The following ZCWPW2 variants were observed in gnomAD, a reference collection of about 807,000 sequenced individuals.
ZCWPW2 encodes the protein zinc finger CW-type PWWP domain protein 2.
A neutral mutation model predicts 46.6 loss-of-function variants in ZCWPW2; 45 were observed. That is an observed-to-expected ratio of 0.96 (90% CI 0.76 to 1.24). ZCWPW2 has a LOEUF of 1.24. Among genes scored for constraint, ZCWPW2 ranks in the 50% most tolerant of loss-of-function variants. The pLI is 0.00. For missense variants in ZCWPW2, 429 were observed against 403.9 expected, an observed-to-expected ratio of 1.06 and a Z score of -0.53; for synonymous variants, 152 against 137.1, an observed-to-expected ratio of 1.11 and a Z score of -0.76.
At chr3:28,492,505 C>A (rs866630656) in intron 6 of ZCWPW2, among the ~76,000 whole-genome samples, 1 of 151,924 alleles carries the variant, frequency 6.6e-6, no homozygotes, top group East Asian at 1.9e-4. Context: ...AATGTGTATA[C>A]ACAATCTCAT....
chr3:28,376,825 T>A (rs539896551), intron 1 of ZCWPW2, among the ~76,000 whole-genome samples: 1 of 152,268 alleles, frequency 6.6e-6, no homozygotes, highest in East Asian at 1.9e-4. Flanking sequence ...TTTTCTCTTT[T>A]ATGTCTTAAG....
intron 5 of ZCWPW2, among the ~76,000 whole-genome samples, chr3:28,486,919 A>G (rs879528432): frequency 2.2e-4 from 32 of 143,606 alleles, no homozygotes; most frequent in Admixed American, 2.1e-3. Context: ...TGGCTGTGTT[A>G]TTTTGTCAAC....
At chr3:28,379,356 G>A (rs1457605095) in intron 1 of ZCWPW2, among the ~76,000 whole-genome samples, 1 of 152,122 alleles carries the variant, frequency 6.6e-6, no homozygotes, top group African/African-American at 2.4e-5. Context: ...AGAGGAAAAA[G>A]AGAAATAATA....
intron 4 of ZCWPW2, among the ~76,000 whole-genome samples, chr3:28,446,397 C>T (rs1697992422): frequency 6.6e-6 from 1 of 151,406 alleles, no homozygotes; most frequent in African/African-American, 2.4e-5. Context: ...AATTGAACAC[C>T]CCAAGACAAC....
At chr3:28,409,073 AAC>A (rs1226086399) in intron 2 of ZCWPW2, among the ~76,000 whole-genome samples, 1 of 151,930 alleles carries the variant, frequency 6.6e-6, no homozygotes, top group African/African-American at 2.4e-5. Context: ...TTCATTCACA[AAC>A]ACAGAAAATA....
chr3:28,389,820 C>T (rs866927426), intron 1 of ZCWPW2, among the ~76,000 whole-genome samples: 3 of 152,156 alleles, frequency 2.0e-5, no homozygotes, highest in African/African-American at 4.8e-5. Context: ...GGAAGAGTTG[C>T]AGTTTGAGTC....
chr3:28,477,168 C>G (rs1476645536), intron 4 of ZCWPW2, among the ~76,000 whole-genome samples: 2 of 152,106 alleles, frequency 1.3e-5, no homozygotes, highest in Non-Finnish European at 2.9e-5. Flanking sequence ...GCAGAAATGT[C>G]TAAAATCTGT....
intron 1 of ZCWPW2, among the ~76,000 whole-genome samples, chr3:28,366,065 G>A (rs908780633): frequency 2.6e-5 from 4 of 151,908 alleles, no homozygotes; most frequent in Non-Finnish European, 4.4e-5. Flanking sequence ...GGGTTTTCTA[G>A]ATATACAATC....
rs56675887 is a variant in ZCWPW2 at position 28,357,333 on chromosome 3, A to G, written c.-134+8130A>G. Among the ~76,000 whole-genome samples, 1,042 of 152,322 alleles carry G rather than the reference A, an allele frequency of 6.8e-3. 11 individuals carry two copies. The highest frequency in any genetic ancestry group is 0.023 in the African/African-American group (946 of 41,584). The stretch of plus-strand genomic sequence containing the variant: ...CGTCCAAACTCACAACTCACAAAAT[A>G]CAGAAGTGAAATTTTTGATTTGGTG... On this transcript the variant is annotated intron_variant, in intron 1 of 9. Coordinates refer to ENST00000383768, the MANE Select transcript of ZCWPW2 (RefSeq NM_001040432.4).
chr3:28,519,926 T>C (rs2125838295), intron 8 of ZCWPW2, among the ~76,000 whole-genome samples: 1 of 152,232 alleles, frequency 6.6e-6, no homozygotes, highest in African/African-American at 2.4e-5. Context: ...TCTAGAGTTA[T>C]AGTAGGCTTT....
chr3:28,463,947 A>AAAGGG (rs1698731062), intron 4 of ZCWPW2, among the ~76,000 whole-genome samples: 1 of 151,738 alleles, frequency 6.6e-6, no homozygotes, highest in South Asian at 2.1e-4. Context: ...AAAGAGAAGT[A>AAAGGG]AAGGGAAGGG....
Position 28,413,388 on chromosome 3 carries a change from A to C in ZCWPW2, c.320A>C (p.Gln107Pro). The change falls in exon 3 of 10, where the codon CAG (glutamine) becomes CCG (proline). Residue 107 changes from glutamine (Q) to proline (P), a missense_variant. Physicochemically the swap from Gln to Pro is moderately conservative, Grantham distance 76. Transcript: ENST00000383768. The part of the protein sequence containing the change: ...PLGSLVLVKL[Q>P]NWPSWPGILC... ...GGAAGCCTGGTTTTGGTAAAATTACAGAATTGGCCAAGGTAAGGTTTGTGT... is the reference window on the plus strand; with the variant it reads ...GGAAGCCTGGTTTTGGTAAAATTACCGAATTGGCCAAGGTAAGGTTTGTGT... 6.2e-7 allele frequency: 1 copy of C among 1,607,546 alleles called. No homozygotes were observed. The highest frequency in any genetic ancestry group is 2.2e-5 in the East Asian group (1 of 44,706).
intron 1 of ZCWPW2, among the ~76,000 whole-genome samples, chr3:28,356,590 A>G (rs924408548): frequency 1.7e-4 from 26 of 152,366 alleles, no homozygotes; most frequent in African/African-American, 6.0e-4. Context: ...GATAGCAAAG[A>G]CTTGGAACTA....
chr3:28,461,942 C>T (rs1698653452), intron 4 of ZCWPW2, among the ~76,000 whole-genome samples: 2 of 152,176 alleles, frequency 1.3e-5, no homozygotes, highest in African/African-American at 4.8e-5. Context: ...GGACATTCTT[C>T]CCTACAATTA....
intron 6 of ZCWPW2, among the ~76,000 whole-genome samples, chr3:28,504,065 C>T (rs955131435): frequency 2.0e-5 from 3 of 151,732 alleles, no homozygotes; most frequent in Admixed American, 2.0e-4. Flanking sequence ...GGTGTGGTGG[C>T]GTGCATCTGT....
chr3:28,442,835 CCT>C (rs1425208253), intron 4 of ZCWPW2, among the ~76,000 whole-genome samples: 4 of 152,142 alleles, frequency 2.6e-5, no homozygotes, highest in Non-Finnish European at 5.9e-5. Context: ...GATCACCACC[CCT>C]GTGTCCTTCA....
intron 4 of ZCWPW2, among the ~76,000 whole-genome samples, chr3:28,440,669 A>T (rs1040672647): frequency 8.5e-5 from 13 of 152,172 alleles, no homozygotes; most frequent in Non-Finnish European, 1.5e-4. Context: ...AGTGAATTTT[A>T]TAAGCATGAG....
chr3:28,358,333 T>G (rs754389753), intron 1 of ZCWPW2, among the ~76,000 whole-genome samples: 7 of 152,162 alleles, frequency 4.6e-5, no homozygotes, highest in Non-Finnish European at 1.0e-4. Flanking sequence ...TTATAAATAC[T>G]GCCAACGTAG....
intron 2 of ZCWPW2, among the ~76,000 whole-genome samples, chr3:28,406,122 A>G (rs1361508148): frequency 6.6e-6 from 1 of 152,200 alleles, no homozygotes; most frequent in Non-Finnish European, 1.5e-5. Flanking sequence ...GCTCTTCTTG[A>G]CTGCTAATAG....
Sources: gnomAD v4.1 joint callset for allele counts (sites outside exome capture counted in the v4.1 genomes callset) on GRCh38, gnomAD v4.1.1 for gene constraint, MANE v1.5 for transcripts, NCBI Gene and HGNC (gene_info 2026-07-23, HGNC 2026-07-21) for gene names.